The following ZNF469 variants were observed in gnomAD, a reference collection of about 807,000 sequenced individuals.
ZNF469 encodes zinc finger protein 469.
ZNF469 carries 1 observed loss-of-function variant against 1.0 expected under a neutral mutation model. That is an observed-to-expected ratio of 1.00 (90% CI 0.35 to 4.73). The LOEUF (loss-of-function observed/expected upper bound fraction) is 4.73, where lower values mean the gene tolerates loss of function less well. Among genes scored for constraint, ZNF469 ranks in the 30% most tolerant of loss-of-function variants. ZNF469 has a pLI of 0.16. For missense variants in ZNF469, 6,100 were observed against 5,356.3 expected (o/e 1.14, Z -4.33); for synonymous variants, 2,703 against 2,363.4 (o/e 1.14, Z -4.17).
chr16:88,423,955 T>A (rs1418978016), intron 1 of ZNF469, among the ~76,000 whole-genome samples: 2 of 152,230 alleles, frequency 1.3e-5, no homozygotes, highest in African/African-American at 4.8e-5. Flanking sequence ...AGGCTCCACC[T>A]CTTGAAGGGA....
At chr16:88,349,851 A>ACATTACATACTAACATGC in the ZNF469 span, among the ~76,000 whole-genome samples, 4 of 148,310 alleles carry the variant, frequency 2.7e-5, no homozygotes, top group Non-Finnish European at 6.0e-5. Flanking sequence ...CACCACACAC[A>ACATTACATACTAACATGC]AGTGCACACA....
chr16:88,211,405 T>C, the ZNF469 span, among the ~76,000 whole-genome samples: 4 of 152,262 alleles, frequency 2.6e-5, no homozygotes, highest in Admixed American at 1.3e-4. Context: ...GGTCACGGAC[T>C]CTTCAGGGTG....
chr16:88,432,976 G>T lies in ZNF469; in HGVS notation c.5506G>T (p.Ala1836Ser). The change falls in exon 3 of 3, where the codon GCA (alanine) becomes TCA (serine). Residue 1836 changes from alanine (A) to serine (S), a missense_variant. Physicochemically the swap from Ala to Ser is moderately conservative, Grantham distance 99 (BLOSUM62 1). Transcript: ENST00000565624. ...CAGCCATGCTGCCCAGGGACATTCT[G>T]CAGGCAGAGCAGGTGGGCACCTCCA... is the stretch of plus-strand genomic sequence containing the variant. ...SPSHAAQGHS[A>S]GRAGGHLHPT... 1 of 1,550,380 alleles carries T rather than the reference G, an allele frequency of 6.5e-7. No homozygotes were observed. Among genetic ancestry groups the T allele is most frequent in the South Asian group, 1.2e-5 (1 of 84,056 alleles).
At chr16:88,406,527 G>A (rs574264886) in intron 1 of ZNF469, among the ~76,000 whole-genome samples, 5 of 152,300 alleles carry the variant, frequency 3.3e-5, no homozygotes, top group Middle Eastern at 3.4e-3. Flanking sequence ...CCAGGTTATC[G>A]GAAGGACCCG....
At chr16:88,294,073 G>C in the ZNF469 span, among the ~76,000 whole-genome samples, 17 of 152,254 alleles carry the variant, frequency 1.1e-4, no homozygotes, top group African/African-American at 4.1e-4. Flanking sequence ...AGAGGAGTCA[G>C]TGGCCTTTGT....
chr16:88,429,067 A>G lies in ZNF469; in HGVS notation c.1597A>G (p.Lys533Glu). The change falls in exon 3 of 3, where the codon AAG (lysine) becomes GAG (glutamate). Residue 533 changes from lysine (K) to glutamate (E), a missense_variant. Transcript: ENST00000565624. ...TGGCAAGACACCGGGACCCAGAGAG[A>G]AGCTGCCAGCCGTGAGAAGCAGCCA... ...TAGKTPGPRE[K>E]LPAVRSSQGG... 1 of 1,549,898 alleles carries G rather than the reference A, an allele frequency of 6.5e-7. No homozygotes were observed. The highest frequency in any genetic ancestry group is 8.7e-7 in the Non-Finnish European group (1 of 1,146,842).
the ZNF469 span, among the ~76,000 whole-genome samples, chr16:88,148,374 G>A: frequency 1.3e-5 from 2 of 152,162 alleles, no homozygotes; most frequent in Non-Finnish European, 2.9e-5. Context: ...CTCCATGCCG[G>A]ACACACACCA....
At chr16:88,224,501 G>A in the ZNF469 span, among the ~76,000 whole-genome samples, 1 of 152,228 alleles carries the variant, frequency 6.6e-6, no homozygotes, top group Non-Finnish European at 1.5e-5. Flanking sequence ...ACAGGAATGT[G>A]GACGGGGTTG....
chr16:88,202,235 T>C, the ZNF469 span, among the ~76,000 whole-genome samples: 1 of 152,172 alleles, frequency 6.6e-6, no homozygotes, highest in Admixed American at 6.5e-5. Context: ...AGTCATGTGG[T>C]GGCTGCACTG....
At chr16:88,317,323 G>T in the ZNF469 span, among the ~76,000 whole-genome samples, 6 of 152,242 alleles carry the variant, frequency 3.9e-5, no homozygotes, top group African/African-American at 1.2e-4. Flanking sequence ...CCCCAGGGCA[G>T]ATGCTCACAG....
the ZNF469 span, among the ~76,000 whole-genome samples, chr16:88,367,977 GA>G: frequency 6.6e-6 from 1 of 152,128 alleles, no homozygotes; most frequent in African/African-American, 2.4e-5. Context: ...GCCCGCAGAC[GA>G]AAGCACGCCC....
intron 1 of ZNF469, among the ~76,000 whole-genome samples, chr16:88,403,479 C>T (rs887481966): frequency 1.3e-5 from 2 of 149,504 alleles, no homozygotes; most frequent in Non-Finnish European, 3.0e-5. Context: ...ATCTCGGGAG[C>T]AGCTGCTGAA....
chr16:88,145,985 G>A, the ZNF469 span, among the ~76,000 whole-genome samples: 1 of 152,240 alleles, frequency 6.6e-6, no homozygotes, highest in Non-Finnish European at 1.5e-5. Flanking sequence ...TCCCGTGTTG[G>A]GAGACTGGGC....
At chr16:88,360,129 C>T in the ZNF469 span, among the ~76,000 whole-genome samples, 5 of 152,044 alleles carry the variant, frequency 3.3e-5, no homozygotes, top group Admixed American at 2.0e-4. Flanking sequence ...GCTGGGATTA[C>T]AGGCATGAGA....
the ZNF469 span, among the ~76,000 whole-genome samples, chr16:88,315,451 G>A: frequency 1.3e-5 from 2 of 152,238 alleles, no homozygotes; most frequent in Admixed American, 6.5e-5. Flanking sequence ...CTGGCCTGAC[G>A]CTCACCCTGG....
At chr16:88,259,375 G>A in the ZNF469 span, among the ~76,000 whole-genome samples, 2 of 152,090 alleles carry the variant, frequency 1.3e-5, no homozygotes, top group Admixed American at 6.5e-5. This position sits in a 1 kb window ranked among gnomAD's most constrained non-coding sequence, Gnocchi z 4.1. Flanking sequence ...TGCGGAGTCT[G>A]CGAAACAAAA....
chr16:88,279,551 G>C, the ZNF469 span, among the ~76,000 whole-genome samples: 2 of 142,008 alleles, frequency 1.4e-5, no homozygotes, highest in Non-Finnish European at 3.0e-5. Flanking sequence ...GTAGATATCA[G>C]TGCACGGTTA....
At chr16:88,245,205 G>A in the ZNF469 span, among the ~76,000 whole-genome samples, 1 of 152,346 alleles carries the variant, frequency 6.6e-6, no homozygotes, top group Middle Eastern at 3.4e-3. Flanking sequence ...CAGAGGTACA[G>A]TCATGTGAGC....
At chr16:88,297,303 C>T in the ZNF469 span, among the ~76,000 whole-genome samples, 193 of 152,306 alleles carry the variant, frequency 1.3e-3, no homozygotes, top group African/African-American at 4.1e-3. Flanking sequence ...AAAGAGGTTC[C>T]GTTGCTCAGC....
Sources: gnomAD v4.1 joint callset for allele counts (sites outside exome capture counted in the v4.1 genomes callset) on GRCh38, gnomAD v4.1.1 for gene constraint, Gnocchi (gnomAD v3.1) non-coding constraint, MANE v1.5 for transcripts, NCBI Gene and HGNC (gene_info 2026-07-23, HGNC 2026-07-21) for gene names.